Variants in RBM6 observed in about 807,000 individuals in gnomAD.
RBM6 encodes RNA-binding protein 6.
In RBM6, 23 loss-of-function variants were observed where a neutral mutation model predicts 140.4. The observed-to-expected ratio is 0.16, with a 90% CI of 0.12 to 0.23. The LOEUF is 0.23. RBM6 is among the 10% of genes least tolerant of loss of function. The pLI is 1.00. For synonymous variants in RBM6, 439 were observed against 475.6 expected (o/e 0.92, Z 1.00); for missense variants, 1,139 against 1,386.7 (o/e 0.82, Z 2.84).
At chr3:50,076,906 A>G in intron 20 of RBM6, 102 bp from the exon 21 acceptor site, 1 of 1,242,288 alleles carries the variant, frequency 8.0e-7, no homozygotes, top group Non-Finnish European at 1.1e-6. Flanking sequence ...AAATTATCCT[A>G]TATACTGCTT....
chr3:50,051,995 A>G (rs1355414784), intron 7 of RBM6, among the ~76,000 whole-genome samples: 1 of 152,246 alleles, frequency 6.6e-6, no homozygotes, highest in East Asian at 1.9e-4. Flanking sequence ...GAATTAGATT[A>G]TGGTGATGGT....
intron 6 of RBM6, among the ~76,000 whole-genome samples, chr3:50,045,764 C>G (rs2089190189): frequency 6.6e-6 from 1 of 152,168 alleles, no homozygotes; most frequent in Admixed American, 6.5e-5. Context: ...TGAGCCCTCA[C>G]TATATTCTAT....
At chr3:50,003,956 A>T (rs2086457260) in intron 6 of RBM6, among the ~76,000 whole-genome samples, 1 of 152,124 alleles carries the variant, frequency 6.6e-6, no homozygotes, top group Non-Finnish European at 1.5e-5. Flanking sequence ...AGTCTCTGGG[A>T]GATTGAGGGT....
chr3:49,958,483 G>A (rs983250623), intron 1 of RBM6, among the ~76,000 whole-genome samples: 5 of 152,150 alleles, frequency 3.3e-5, no homozygotes, highest in Non-Finnish European at 7.3e-5. Context: ...GGCTGAGGCA[G>A]GAGAATGGCG....
At chr3:49,945,952 G>C (rs1485575168) in intron 1 of RBM6, among the ~76,000 whole-genome samples, 2 of 150,428 alleles carry the variant, frequency 1.3e-5, no homozygotes, top group Non-Finnish European at 1.5e-5. Flanking sequence ...TGCTGTCTTC[G>C]TAAGAAAAGG....
intron 19 of RBM6, among the ~76,000 whole-genome samples, chr3:50,074,907 G>A (rs1016745199): frequency 1.3e-5 from 2 of 152,026 alleles, no homozygotes; most frequent in Non-Finnish European, 2.9e-5. Flanking sequence ...CAGCACTTTG[G>A]GAGGCCAAGG....
chr3:49,982,288 T>C (rs1407000585), intron 5 of RBM6, among the ~76,000 whole-genome samples: 2 of 145,698 alleles, frequency 1.4e-5, no homozygotes, highest in Non-Finnish European at 3.0e-5. Context: ...TTTTTTTTTT[T>C]TTGGTAGAAA....
intron 6 of RBM6, among the ~76,000 whole-genome samples, chr3:50,018,134 C>T (rs981880495): frequency 6.6e-6 from 1 of 152,188 alleles, no homozygotes. Flanking sequence ...TAGTATCATA[C>T]AGAATAGTTT....
intron 6 of RBM6, among the ~76,000 whole-genome samples, chr3:50,011,745 C>T (rs573648497): frequency 1.3e-5 from 2 of 152,004 alleles, no homozygotes; most frequent in Non-Finnish European, 2.9e-5. Flanking sequence ...AAAAGTCACT[C>T]ATTTTAACTG....
intron 6 of RBM6, among the ~76,000 whole-genome samples, chr3:50,021,740 C>CTATTTT (rs2087492523): frequency 2.3e-5 from 1 of 42,732 alleles, no homozygotes; most frequent in Non-Finnish European, 4.1e-5. Context: ...AATTTAAGTG[C>CTATTTT]TTTTTTTTTT....
At chr3:49,958,227 C>T (rs929072373) in intron 1 of RBM6, among the ~76,000 whole-genome samples, 8 of 150,822 alleles carry the variant, frequency 5.3e-5, no homozygotes, top group African/African-American at 1.9e-4. Context: ...AGATCGAGAC[C>T]ATCCTGGTTA....
chr3:50,061,829 G>T, intron 14 of RBM6, 133 bp from the exon 15 acceptor site: 2 of 1,313,314 alleles, frequency 1.5e-6, no homozygotes, highest in Non-Finnish European at 2.1e-6. Flanking sequence ...TTTTTAGATT[G>T]ATGTGGACTC....
At chr3:50,065,259 C>A in intron 16 of RBM6, 133 bp downstream of exon 16, 1 of 677,116 alleles carries the variant, frequency 1.5e-6, no homozygotes. Context: ...AATAAGGATT[C>A]CCATTTCTTT....
intron 19 of RBM6, among the ~76,000 whole-genome samples, chr3:50,073,258 T>G (rs2090361133): frequency 6.6e-6 from 1 of 152,152 alleles, no homozygotes; most frequent in Non-Finnish European, 1.5e-5. Flanking sequence ...CTGGGTAATT[T>G]ATAATGAACA....
At chr3:50,006,267 C>T (rs2086571267) in intron 6 of RBM6, among the ~76,000 whole-genome samples, 1 of 151,482 alleles carries the variant, frequency 6.6e-6, no homozygotes, top group Non-Finnish European at 1.5e-5. Flanking sequence ...TCCCGAGTAA[C>T]TGGGATTACA....
chr3:49,942,561 A>G (rs1189856236), intron 1 of RBM6, among the ~76,000 whole-genome samples: 1 of 151,164 alleles, frequency 6.6e-6, no homozygotes, highest in African/African-American at 2.4e-5. Context: ...AGTACAAGCA[A>G]TACCACTATT....
At chr3:50,008,080 A>G (rs912099126) in intron 6 of RBM6, among the ~76,000 whole-genome samples, 1 of 152,194 alleles carries the variant, frequency 6.6e-6, no homozygotes, top group African/African-American at 2.4e-5. Flanking sequence ...TGGGCAACAG[A>G]ATGAGATGCT....
At chr3:50,061,264 A>G (rs1231462516) in intron 13 of RBM6, 43 bp downstream of exon 13, 6 of 1,612,378 alleles carry the variant, frequency 3.7e-6, no homozygotes, top group Admixed American at 1.7e-5. Context: ...TTTTTGCTTG[A>G]CTTGCTACTC....
rs150667198 is a variant in RBM6 at position 50,053,522 on chromosome 3, A to T, written c.1633-813A>T. On this transcript the variant is annotated intron_variant, in intron 7 of 20. Transcript: ENST00000266022. ...CTCCAGCCTGGGCAACAAGAGTGAA[A>T]CTCCGTCTCAAAAGAAAAAAAAAAA... Among the ~76,000 whole-genome samples the T allele has an allele frequency of 6.1e-3, 921 of 150,542 alleles. 11 individuals are homozygous for T. Among genetic ancestry groups the T allele is most frequent in the African/African-American group, 0.021 (869 of 40,762 alleles).
Sources: allele counts gnomAD v4.1 joint callset (sites outside exome capture counted in the v4.1 genomes callset), GRCh38; gene constraint gnomAD v4.1.1; transcripts MANE v1.5; gene names NCBI Gene and HGNC (gene_info 2026-07-23, HGNC 2026-07-21).